Variants in GLIS3 observed in about 807,000 individuals in gnomAD.
GLIS3 encodes zinc finger protein GLIS3.
Under a neutral mutation model 78.6 loss-of-function variants are expected in GLIS3, and 53 were observed. That is an observed-to-expected ratio of 0.67 (90% CI 0.54 to 0.85). The LOEUF (loss-of-function observed/expected upper bound fraction) is 0.85, where lower values mean the gene tolerates loss of function less well. Among genes scored for constraint, GLIS3 ranks in the 40% least tolerant of loss-of-function variants. The pLI is 0.00. For synonymous variants in GLIS3, 684 were observed against 509.9 expected (o/e 1.34, Z -4.60); for missense variants, 1,703 against 1,231.1 (o/e 1.38, Z -5.74).
the GLIS3 span, among the ~76,000 whole-genome samples, chr9:4,396,073 G>A: frequency 6.6e-6 from 1 of 150,896 alleles, no homozygotes; most frequent in South Asian, 2.1e-4. Flanking sequence ...CGCCTAGCCT[G>A]GTCACCATTT....
chr9:3,989,217 G>C (rs950984153), intron 4 of GLIS3, among the ~76,000 whole-genome samples: 1 of 152,098 alleles, frequency 6.6e-6, no homozygotes, highest in Non-Finnish European at 1.5e-5. Context: ...ATGCCTATCA[G>C]AATAGCTAAA....
the GLIS3 span, among the ~76,000 whole-genome samples, chr9:4,438,578 T>C: frequency 1.3e-5 from 2 of 152,190 alleles, no homozygotes; most frequent in Non-Finnish European, 2.9e-5. Flanking sequence ...CTTTGCATGT[T>C]GACATGGTTT....
At chr9:4,461,371 C>CAAT in the GLIS3 span, among the ~76,000 whole-genome samples, 58,762 of 151,806 alleles carry the variant, frequency 0.39, 11,658 homozygotes, top group South Asian at 0.49. Context: ...CTTAAAGAAC[C>CAAT]AATTCTTCTC....
intron 4 of GLIS3, among the ~76,000 whole-genome samples, chr9:4,002,745 A>G (rs1263958875): frequency 6.6e-6 from 1 of 152,248 alleles, no homozygotes; most frequent in Non-Finnish European, 1.5e-5. Flanking sequence ...AACATGAGGC[A>G]TACATGGATG....
At chr9:3,917,110 C>T (rs568200569) in intron 6 of GLIS3, among the ~76,000 whole-genome samples, 2 of 152,122 alleles carry the variant, frequency 1.3e-5, no homozygotes, top group Non-Finnish European at 2.9e-5. Flanking sequence ...CAAAAATGCA[C>T]GTAAATGCAG....
At chr9:4,286,768 C>G (rs931370876) in intron 1 of GLIS3, among the ~76,000 whole-genome samples, 23 of 152,162 alleles carry the variant, frequency 1.5e-4, no homozygotes, top group Non-Finnish European at 5.9e-5. Flanking sequence ...CTTCTCAATA[C>G]AGTGCTCTCG....
the GLIS3 span, among the ~76,000 whole-genome samples, chr9:4,386,108 T>G: frequency 1.3e-5 from 2 of 152,184 alleles, no homozygotes; most frequent in African/African-American, 4.8e-5. Context: ...ATTATTCCCT[T>G]TATTGTAACA....
At chr9:3,913,306 G>A (rs143983449) in intron 6 of GLIS3, among the ~76,000 whole-genome samples, 112 of 152,280 alleles carry the variant, frequency 7.4e-4, no homozygotes, top group African/African-American at 2.0e-3. Flanking sequence ...TCAATGGAGA[G>A]CACTTGCTTT....
intron 2 of GLIS3, among the ~76,000 whole-genome samples, chr9:4,247,030 A>G (rs1823866407): frequency 6.6e-6 from 1 of 152,182 alleles, no homozygotes; most frequent in Non-Finnish European, 1.5e-5. Context: ...TCACTAGAAC[A>G]ACTGAGTTTT....
rs537729574 is a variant in GLIS3, at chr9:4,332,762, T to A, written n.264+14319A>T. Among the ~76,000 whole-genome samples, 296 of 152,374 alleles carry A rather than the reference T, an allele frequency of 1.9e-3. 1 individual carries two copies. Among genetic ancestry groups the A allele is most frequent in the African/African-American group, 6.8e-3 (282 of 41,590 alleles). On this transcript the variant is annotated intron_variant and non_coding_transcript_variant, in intron 2 of 4. Transcript: ENST00000471664. ...GCTCTCTATTGATACAGATTAAATT[T>A]GATACAAATGTACATAGGTGTTCCT...
intron 6 of GLIS3, among the ~76,000 whole-genome samples, chr9:3,907,625 GACAC>G (rs1009788837): frequency 2.1e-4 from 21 of 102,348 alleles, no homozygotes; most frequent in African/African-American, 6.7e-4. Flanking sequence ...CACACACACA[GACAC>G]ACACACACAC....
chr9:4,299,946 C>T lies in GLIS3; in HGVS notation c.-624G>A, dbSNP rs1015023647. ...GGGCAGTGGCCGCGGCACTCGCCGC[C>T]GGTGCCCGTGCGCGCCGCGCTCTGG... On this transcript the variant is annotated 5_prime_UTR_variant, in exon 1 of 11. Coordinates refer to ENST00000381971, the MANE Select transcript of GLIS3 (RefSeq NM_001042413.2). 6.6e-6 allele frequency: 1 copy of T among 151,976 alleles called. No homozygotes were observed. The highest frequency in any genetic ancestry group is 2.4e-5 in the African/African-American group (1 of 41,376). 9.4% of individuals were successfully genotyped at this position (151,976 alleles called of 1,614,324 possible). A position where few individuals can be genotyped will look rare whatever the true frequency, so the allele number is the denominator to read the frequency against.
chr9:4,481,432 C>G, the GLIS3 span, among the ~76,000 whole-genome samples: 1 of 151,892 alleles, frequency 6.6e-6, no homozygotes, highest in Non-Finnish European at 1.5e-5. Context: ...TGCAGTGAGC[C>G]TCGCACCATT....
chr9:4,237,302 A>G (rs569917364), intron 2 of GLIS3, among the ~76,000 whole-genome samples: 1 of 152,172 alleles, frequency 6.6e-6, no homozygotes, highest in Non-Finnish European at 1.5e-5. Context: ...ACGGAATATT[A>G]CACAGCCACA....
chr9:3,937,247 G>A, intron 4 of GLIS3, 58 bp from the exon 5 acceptor site: 1 of 1,584,624 alleles, frequency 6.3e-7, no homozygotes, highest in Non-Finnish European at 8.7e-7. Flanking sequence ...TTGAGTCTGG[G>A]GGACAGCTAA....
At chr9:3,830,102 T>C (rs971078232) in intron 9 of GLIS3, among the ~76,000 whole-genome samples, 1 of 152,208 alleles carries the variant, frequency 6.6e-6, no homozygotes, top group Non-Finnish European at 1.5e-5. Flanking sequence ...ATGAAAATGT[T>C]AGAAAATACA....
the GLIS3 span, among the ~76,000 whole-genome samples, chr9:4,411,561 C>T: frequency 1.3e-5 from 2 of 152,202 alleles, no homozygotes; most frequent in African/African-American, 4.8e-5. Context: ...GAGATAGTGA[C>T]ATCCATTTTC....
intron 2 of GLIS3, among the ~76,000 whole-genome samples, chr9:4,169,247 A>G (rs1816155709): frequency 6.6e-6 from 1 of 152,212 alleles, no homozygotes; most frequent in South Asian, 2.1e-4. Flanking sequence ...CAAGATTTCT[A>G]CTTTGTATTC....
chr9:3,829,542 C>T (rs751891489), intron 9 of GLIS3, 50 bp from the exon 10 acceptor site: 1 of 1,599,986 alleles, frequency 6.3e-7, no homozygotes, highest in Admixed American at 1.7e-5. Flanking sequence ...GCACAAGTTC[C>T]ACAGATCATT....
Sources: gnomAD v4.1 joint callset for allele counts (sites outside exome capture counted in the v4.1 genomes callset) on GRCh38, gnomAD v4.1.1 for gene constraint, MANE v1.5 for transcripts, NCBI Gene and HGNC (gene_info 2026-07-23, HGNC 2026-07-21) for gene names.